Variants in TRERF1 observed in about 807,000 individuals in gnomAD.
TRERF1 encodes transcriptional regulating factor 1.
In TRERF1, 27 loss-of-function variants were observed where a neutral mutation model predicts 122.9. That is an observed-to-expected ratio of 0.22 (90% CI 0.16 to 0.30). TRERF1 has a LOEUF of 0.30. Ranked by LOEUF, TRERF1 falls within the 10% of genes least tolerant of loss-of-function variation. The pLI, the probability that TRERF1 is intolerant of heterozygous loss-of-function variation, is 1.00. For missense variants in TRERF1, 1,248 were observed against 1,560.3 expected, an observed-to-expected ratio of 0.80 and a Z score of 3.37; for synonymous variants, 636 against 641.7, an observed-to-expected ratio of 0.99 and a Z score of 0.13.
rs145421967 is a variant in TRERF1 at position 42,272,489 on chromosome 6, T to C, written c.-258-2641A>G. 1.8e-4 allele frequency among the ~76,000 whole-genome samples: 27 copies of C among 152,282 alleles called. No individual in the cohort carries two copies. The East Asian group carries it at 4.6e-3, about 26-fold the overall frequency. ...TGGTCCAGGTCCCCTGGGAGCTGGT[T>C]AGAAATGCAGAATCTCAGGCTCCAG... On this transcript the variant is annotated intron_variant, in intron 4 of 17. Coordinates refer to ENST00000372922, the Ensembl canonical transcript of TRERF1.
At chr6:42,433,668 T>C (rs1784827902) in intron 2 of TRERF1, among the ~76,000 whole-genome samples, 1 of 151,840 alleles carries the variant, frequency 6.6e-6, no homozygotes, top group Admixed American at 6.6e-5. Flanking sequence ...AAATACACGA[T>C]CAATAAAAAC....
chr6:42,245,303 A>C (rs1283860049), intron 14 of TRERF1, among the ~76,000 whole-genome samples: 3 of 152,250 alleles, frequency 2.0e-5, no homozygotes, highest in Admixed American at 1.3e-4. Flanking sequence ...GAGCAAATGC[A>C]GAGATGGAGG....
At position 42,389,017 on chromosome 6, in the gene TRERF1, A is replaced by G. The variant is rs1166789588; in HGVS notation, c.-453-25938T>C. On this transcript the variant is annotated intron_variant, in intron 2 of 17. Transcript: ENST00000372922. ...AATCCTTCCACCAAGACTGGAACCT[A>G]GACACTCAGAGCAGGCCTTAAACAC... Among the ~76,000 whole-genome samples, 6 of 152,330 alleles carry G rather than the reference A, an allele frequency of 3.9e-5. No individual in the cohort carries two copies. The East Asian group carries it at 1.2e-3, about 29-fold the overall frequency.
intron 2 of TRERF1, among the ~76,000 whole-genome samples, chr6:42,444,707 C>T (rs1787157523): frequency 6.6e-6 from 1 of 152,192 alleles, no homozygotes. Flanking sequence ...TTCTCTTGAT[C>T]AGTCACTCCC....
Position 42,228,251 on chromosome 6 carries a change from A to C in TRERF1, c.*94T>G. ...TGACCACTTTTAAAACAGGTAGTTT[A>C]AAAGGGTTACAAAACAAGCAGGCAG... On this transcript the variant is annotated 3_prime_UTR_variant, in exon 18 of 18. Coordinates refer to ENST00000372922, the Ensembl canonical transcript of TRERF1. The surrounding 1 kb of genome is among the most constrained non-coding windows in gnomAD (Gnocchi z 4.2). The C allele has an allele frequency of 1.8e-6, 2 of 1,125,992 alleles. No homozygotes were observed. The highest frequency in any genetic ancestry group is 2.5e-6 in the Non-Finnish European group (2 of 809,754). The allele number at this position is 1,125,992 out of a possible 1,614,324, so 69.8% of individuals were successfully genotyped here.
intron 3 of TRERF1, among the ~76,000 whole-genome samples, chr6:42,310,126 C>T (rs553285945): frequency 3.3e-5 from 5 of 152,064 alleles, no homozygotes; most frequent in Admixed American, 2.6e-4. Context: ...TTTTAAGAAA[C>T]GGGGCCTCAC....
chr6:42,269,470 T>C lies in TRERF1; in HGVS notation c.121A>G (p.Thr41Ala). 1 of 1,614,226 alleles carries C rather than the reference T, an allele frequency of 6.2e-7. No individual in the cohort carries two copies. The highest frequency in any genetic ancestry group is 8.5e-7 in the Non-Finnish European group (1 of 1,180,038). Residue 41 changes from threonine (T) to alanine (A), a missense_variant, in exon 5 of 18, where the codon ACA becomes GCA. Physicochemically the swap from Thr to Ala is moderately conservative, Grantham distance 58 (BLOSUM62 0). Around this residue, in one of 5 missense-constraint regions of TRERF1, gnomAD observed 946 missense variants for 1,073.0 expected, o/e 0.88. Coordinates refer to ENST00000372922, the Ensembl canonical transcript of TRERF1. This position sits in a 1 kb window ranked among gnomAD's most constrained non-coding sequence, Gnocchi z 4.9. The stretch of plus-strand genomic sequence containing the variant: ...TGAGGGGCATCCATTCCGCCCCCTG[T>C]AACTGCATTCCCATAGTTGTGGTTC...
At chr6:42,256,214 G>T (rs910069215) in intron 12 of TRERF1, among the ~76,000 whole-genome samples, 2 of 151,874 alleles carry the variant, frequency 1.3e-5, no homozygotes, top group African/African-American at 4.8e-5. Flanking sequence ...ACCAAGGCAT[G>T]GGTTTGGGAA....
chr6:42,228,166 A>T lies in TRERF1; in HGVS notation c.*179T>A. 1.7e-6 allele frequency: 1 copy of T among 573,548 alleles called. No homozygotes were observed. The highest frequency in any genetic ancestry group is 2.8e-6 in the Non-Finnish European group (1 of 353,872). The allele number at this position is 573,548 out of a possible 1,614,324, so 35.5% of individuals were successfully genotyped here. A position where few individuals can be genotyped will look rare whatever the true frequency, so the allele number is the denominator to read the frequency against. ...TTTATTCCCCCAACCCCCCACAAAA[A>T]CAAATTTTTTTAAATAAAAGGAAAA... On this transcript the variant is annotated 3_prime_UTR_variant, in exon 18 of 18. Coordinates refer to ENST00000372922, the Ensembl canonical transcript of TRERF1. The surrounding 1 kb of genome is among the most constrained non-coding windows in gnomAD (Gnocchi z 4.2).
At chr6:42,432,943 G>A (rs532314784) in intron 2 of TRERF1, among the ~76,000 whole-genome samples, 10 of 151,994 alleles carry the variant, frequency 6.6e-5, no homozygotes, top group African/African-American at 2.2e-4. Context: ...ATTAGACTTC[G>A]CTTTCAGGTA....
chr6:42,431,017 G>A (rs1423277837), intron 2 of TRERF1, among the ~76,000 whole-genome samples: 1 of 149,562 alleles, frequency 6.7e-6, no homozygotes, highest in African/African-American at 2.5e-5. Flanking sequence ...CTGAGATTGT[G>A]CCACTGCACT....
At chr6:42,339,297 C>T (rs1766801445) in intron 3 of TRERF1, among the ~76,000 whole-genome samples, 1 of 152,216 alleles carries the variant, frequency 6.6e-6, no homozygotes, top group South Asian at 2.1e-4. Context: ...TCTCTCCTTC[C>T]ATCTGCTTCA....
chr6:42,430,413 T>C (rs1163499464), intron 2 of TRERF1, among the ~76,000 whole-genome samples: 2 of 152,160 alleles, frequency 1.3e-5, no homozygotes, highest in African/African-American at 2.4e-5. Flanking sequence ...GAGTTGAATC[T>C]TTTTTCTCTT....
At position 42,269,722 on chromosome 6, in the gene TRERF1, G is replaced by A; in HGVS notation, c.-132C>T. 6.9e-7 allele frequency: 1 copy of A among 1,451,196 alleles called. No homozygotes were observed. The highest frequency in any genetic ancestry group is 9.0e-7 in the Non-Finnish European group (1 of 1,108,070). 89.9% of individuals were successfully genotyped at this position (1,451,196 alleles called of 1,614,324 possible). Reference sequence around the variant, plus strand: ...ACTACTCCACGGCTGACATGTCTGTGAACGTGGCTGGAGCCAGGTGTTCCT... The same window carrying A: ...ACTACTCCACGGCTGACATGTCTGTAAACGTGGCTGGAGCCAGGTGTTCCT... On this transcript the variant is annotated 5_prime_UTR_variant, in exon 5 of 18. Coordinates refer to ENST00000372922, the Ensembl canonical transcript of TRERF1. This position sits in a 1 kb window ranked among gnomAD's most constrained non-coding sequence, Gnocchi z 4.9.
intron 2 of TRERF1, among the ~76,000 whole-genome samples, chr6:42,423,822 G>C (rs553936936): frequency 7.7e-4 from 117 of 152,150 alleles, no homozygotes; most frequent in African/African-American, 2.8e-3. Flanking sequence ...CATTGTACTT[G>C]GGGAGCTTGT....
At position 42,268,721 on chromosome 6, in the gene TRERF1, C is replaced by A. The variant is rs532058547; in HGVS notation, c.870G>T (p.Thr290=). ...GTGATGGGCGAATTTGTTGCGGCTG[C>A]GTCTGTATTTCTTGCATGGAGATAC... is the stretch of plus-strand genomic sequence containing the variant. Residue 290 remains threonine (T), a synonymous_variant, in exon 5 of 18, where the codon ACG becomes ACT. Transcript: ENST00000372922. The surrounding 1 kb of genome is among the most constrained non-coding windows in gnomAD (Gnocchi z 4.4). 1 of 1,614,022 alleles carries A rather than the reference C, an allele frequency of 6.2e-7. No individual in the cohort carries two copies. The highest frequency in any genetic ancestry group is 1.1e-5 in the South Asian group (1 of 91,086).
At chr6:42,292,557 T>C (rs186430715) in intron 4 of TRERF1, among the ~76,000 whole-genome samples, 1 of 152,126 alleles carries the variant, frequency 6.6e-6, no homozygotes, top group African/African-American at 2.4e-5. Flanking sequence ...TTGCAGGAAG[T>C]CCGAGAGAGA....
At chr6:42,408,210 A>AT (rs1780474103) in intron 2 of TRERF1, among the ~76,000 whole-genome samples, 4 of 107,142 alleles carry the variant, frequency 3.7e-5, no homozygotes, top group South Asian at 3.2e-4. Context: ...TATATAAATA[A>AT]ATATATATAT....
intron 2 of TRERF1, among the ~76,000 whole-genome samples, chr6:42,443,654 T>C (rs1015558254): frequency 3.3e-5 from 5 of 152,180 alleles, no homozygotes; most frequent in African/African-American, 1.2e-4. Flanking sequence ...GAATATGGAA[T>C]CAGAATTTGA....
Sources: gnomAD v4.1 joint callset for allele counts (sites outside exome capture counted in the v4.1 genomes callset) on GRCh38, gnomAD v4.1.1 for gene constraint, gnomAD v4.1.1 regional missense constraint, Gnocchi (gnomAD v3.1) non-coding constraint, MANE v1.5 for transcripts, NCBI Gene and HGNC (gene_info 2026-07-23, HGNC 2026-07-21) for gene names.